Variants in KLHL3 observed in about 807,000 individuals in gnomAD.
KLHL3 encodes the protein kelch like family member 3.
Under a neutral mutation model 70.5 loss-of-function variants are expected in KLHL3, and 19 were observed. That is an observed-to-expected ratio of 0.27 (90% CI 0.19 to 0.40). The LOEUF (loss-of-function observed/expected upper bound fraction) is 0.40, where lower values mean the gene tolerates loss of function less well. Among genes scored for constraint, KLHL3 ranks in the 10% least tolerant of loss-of-function variants. The pLI is 1.00. For synonymous variants in KLHL3, 258 were observed against 290.3 expected, an observed-to-expected ratio of 0.89 and a Z score of 1.13; for missense variants, 512 against 771.1, an observed-to-expected ratio of 0.66 and a Z score of 3.98.
rs548498613 is a variant in KLHL3 at position 137,727,426 on chromosome 5, A to G, written c.15-6842T>C. On this transcript the variant is annotated intron_variant, in intron 1 of 14. Coordinates refer to ENST00000309755, the MANE Select transcript of KLHL3 (RefSeq NM_017415.3). ...CTTTTCCAAAATGTCAATGTGTTCCAGGCATGTTCTACATGAAGCCTCACT... is the reference window on the plus strand; with the variant it reads ...CTTTTCCAAAATGTCAATGTGTTCCGGGCATGTTCTACATGAAGCCTCACT... Among the ~76,000 whole-genome samples the G allele has an allele frequency of 2.6e-5, 4 of 152,288 alleles. No homozygotes were observed. In the East Asian group the frequency reaches 7.7e-4, roughly 29 times the overall value.
At chr5:137,693,096 C>T (rs1752363343) in intron 4 of KLHL3, among the ~76,000 whole-genome samples, 1 of 152,182 alleles carries the variant, frequency 6.6e-6, no homozygotes, top group South Asian at 2.1e-4. Context: ...AATTACTGAA[C>T]ATCTATGTGC....
chr5:137,725,941 G>A (rs892847289), intron 1 of KLHL3, among the ~76,000 whole-genome samples: 7 of 152,164 alleles, frequency 4.6e-5, no homozygotes, highest in South Asian at 2.1e-4. Flanking sequence ...AAGCTTCATA[G>A]CCATAAGGAT....
At chr5:137,627,493 T>G (rs1353887382) in intron 13 of KLHL3, among the ~76,000 whole-genome samples, 2 of 102,722 alleles carry the variant, frequency 1.9e-5, no homozygotes, top group African/African-American at 6.5e-5. Context: ...CCCCCCGGTT[T>G]ACACTTCCAA....
rs1008422076 is a variant in KLHL3, at chr5:137,620,446, C to A, written c.*1652G>T. On this transcript the variant is annotated 3_prime_UTR_variant, in exon 15 of 15. Transcript: ENST00000309755. ...AGCACCTGCTTGGAAGTAGCCCAGTCGTATCAGAAGTCCAACATCAGGATT... is the reference window on the plus strand; with the variant it reads ...AGCACCTGCTTGGAAGTAGCCCAGTAGTATCAGAAGTCCAACATCAGGATT... The A allele has an allele frequency of 6.6e-6, 1 of 152,102 alleles. No individual in the cohort carries two copies. Among genetic ancestry groups the A allele is most frequent in the African/African-American group, 2.4e-5 (1 of 41,412 alleles). 9.4% of individuals were successfully genotyped at this position (152,102 alleles called of 1,614,324 possible).
At chr5:137,673,221 G>A (rs1015413304) in intron 6 of KLHL3, among the ~76,000 whole-genome samples, 25 of 152,174 alleles carry the variant, frequency 1.6e-4, no homozygotes, top group Non-Finnish European at 3.4e-4. Context: ...GTCACCAGCA[G>A]GAGGGTGTTA....
At chr5:137,632,995 A>G (rs1478061979) in intron 12 of KLHL3, among the ~76,000 whole-genome samples, 1 of 152,166 alleles carries the variant, frequency 6.6e-6, no homozygotes, top group Non-Finnish European at 1.5e-5. Context: ...AAAAAGTCAA[A>G]AAAGGCCGGG....
chr5:137,702,513 A>C (rs1752591657), intron 3 of KLHL3, among the ~76,000 whole-genome samples: 1 of 152,208 alleles, frequency 6.6e-6, no homozygotes, highest in Non-Finnish European at 1.5e-5. Context: ...CTGTAGATGA[A>C]AGCAGGAGCT....
intron 8 of KLHL3, among the ~76,000 whole-genome samples, chr5:137,651,844 G>A (rs1325897604): frequency 2.6e-5 from 4 of 152,168 alleles, no homozygotes; most frequent in African/African-American, 4.8e-5. Context: ...TAGTATTGGT[G>A]TAAAGGTAGA....
chr5:137,645,219 G>A (rs1751014149), intron 8 of KLHL3, among the ~76,000 whole-genome samples: 1 of 152,078 alleles, frequency 6.6e-6, no homozygotes, highest in Non-Finnish European at 1.5e-5. Flanking sequence ...ACTAGAAAGG[G>A]GAAAGTTGAA....
intron 3 of KLHL3, among the ~76,000 whole-genome samples, chr5:137,703,906 C>T (rs572810318): frequency 6.6e-6 from 1 of 151,970 alleles, no homozygotes; most frequent in African/African-American, 2.4e-5. Context: ...TAATCACCTC[C>T]ACCCCCGACA....
intron 3 of KLHL3, chr5:137,705,953 T>C (rs899553367): frequency 1.1e-5 from 10 of 933,718 alleles, no homozygotes; most frequent in Non-Finnish European, 1.3e-5. Flanking sequence ...ACTCAAGTTA[T>C]GCTGAAAGCA....
chr5:137,723,166 T>C (rs1015799707), intron 1 of KLHL3, among the ~76,000 whole-genome samples: 3 of 152,262 alleles, frequency 2.0e-5, no homozygotes, highest in African/African-American at 7.2e-5. Context: ...TCTGTAACAG[T>C]ACCACATGAT....
At chr5:137,712,592 C>T (rs1231358494) in intron 2 of KLHL3, among the ~76,000 whole-genome samples, 2 of 152,214 alleles carry the variant, frequency 1.3e-5, no homozygotes, top group Non-Finnish European at 2.9e-5. Flanking sequence ...TAAAGCACTG[C>T]ATGGCTCACA....
Position 137,622,005 on chromosome 5 carries a change from C to A in KLHL3, c.*93G>T. 1 of 1,377,960 alleles carries A rather than the reference C, an allele frequency of 7.3e-7. No homozygotes were observed. The allele number at this position is 1,377,960 out of a possible 1,614,324, so 85.4% of individuals were successfully genotyped here. On this transcript the variant is annotated 3_prime_UTR_variant, in exon 15 of 15. Coordinates refer to ENST00000309755, the MANE Select transcript of KLHL3 (RefSeq NM_017415.3). ...GTTCTCACAGCAGCACAGACCCTCC[C>A]AAGCAAGTTGAATCCAGTCACCAAG...
intron 3 of KLHL3, among the ~76,000 whole-genome samples, chr5:137,705,311 G>A (rs1267505581): frequency 6.6e-6 from 1 of 152,176 alleles, no homozygotes; most frequent in Non-Finnish European, 1.5e-5. Flanking sequence ...TGAAACAACA[G>A]TTCTGTGGAA....
At chr5:137,662,097 T>G in intron 6 of KLHL3, 66 bp from the exon 7 acceptor site, 1 of 439,910 alleles carries the variant, frequency 2.3e-6, no homozygotes, top group Non-Finnish European at 3.6e-6. Flanking sequence ...ACCCTCAATC[T>G]GTAAAAAAAA....
intron 2 of KLHL3, among the ~76,000 whole-genome samples, chr5:137,710,680 G>T (rs1752775799): frequency 6.6e-6 from 1 of 152,114 alleles, no homozygotes; most frequent in South Asian, 2.1e-4. Flanking sequence ...ATCAACCCAA[G>T]AATTTTTCCT....
chr5:137,627,985 G>A (rs1750521498), intron 13 of KLHL3: 1 of 315,910 alleles, frequency 3.2e-6, no homozygotes, highest in Non-Finnish European at 5.9e-6. Flanking sequence ...TAAAGCTGTT[G>A]GGCAGCGGGC....
At chr5:137,669,676 G>A (rs1357166813) in intron 6 of KLHL3, among the ~76,000 whole-genome samples, 1 of 152,212 alleles carries the variant, frequency 6.6e-6, no homozygotes, top group Non-Finnish European at 1.5e-5. Flanking sequence ...ATGAGTGCAG[G>A]ATGACATACG....
Sources: gnomAD v4.1 joint callset for allele counts (sites outside exome capture counted in the v4.1 genomes callset) on GRCh38, gnomAD v4.1.1 for gene constraint, MANE v1.5 for transcripts, NCBI Gene and HGNC (gene_info 2026-07-23, HGNC 2026-07-21) for gene names.